The following PWWP3A variants were observed in gnomAD, a reference collection of about 807,000 sequenced individuals.
The protein encoded by PWWP3A is PWWP domain-containing DNA repair factor 3A.
A neutral mutation model predicts 79.0 loss-of-function variants in PWWP3A; 53 were observed. That is an observed-to-expected ratio of 0.67 (90% CI 0.54 to 0.84). The LOEUF (loss-of-function observed/expected upper bound fraction) is 0.84, where lower values mean the gene tolerates loss of function less well. Ranked by LOEUF, PWWP3A falls within the 40% of genes least tolerant of loss-of-function variation. The pLI, the probability that PWWP3A is intolerant of heterozygous loss-of-function variation, is 0.00. For synonymous variants in PWWP3A, 443 were observed against 394.4 expected, an observed-to-expected ratio of 1.12 and a Z score of -1.46; for missense variants, 973 against 948.0, an observed-to-expected ratio of 1.03 and a Z score of -0.35.
chr19:1,378,300 A>G lies in PWWP3A; in HGVS notation c.*1724A>G, dbSNP rs1403444649. On this transcript the variant is annotated 3_prime_UTR_variant, in exon 14 of 14. Coordinates refer to ENST00000591337, the MANE Select transcript of PWWP3A (RefSeq NM_001369789.1). ...TTGTGGGTTCCTGAGAGTAGGACAC[A>G]TTGCCATGGTTTTGTGGGAATCACG... 2.0e-5 allele frequency: 3 copies of G among 152,282 alleles called. No homozygotes were observed. The highest frequency in any genetic ancestry group is 1.5e-5 in the Non-Finnish European group (1 of 68,086). The allele number at this position is 152,282 out of a possible 1,614,324, so 9.4% of individuals were successfully genotyped here.
chr19:1,365,295 G>A (rs749761086), intron 7 of PWWP3A, among the ~76,000 whole-genome samples: 2 of 152,244 alleles, frequency 1.3e-5, no homozygotes, highest in Non-Finnish European at 2.9e-5. Flanking sequence ...TCAAGCCGGG[G>A]CAGATTCTCT....
rs2144704637 is a variant in PWWP3A at position 1,360,194 on chromosome 19, T to G, written c.273T>G (p.Leu91=). 1 of 1,606,772 alleles carries G rather than the reference T, an allele frequency of 6.2e-7. No homozygotes were observed. The highest frequency in any genetic ancestry group is 8.5e-7 in the Non-Finnish European group (1 of 1,176,872). Residue 91 remains leucine (L), a synonymous_variant, in exon 5 of 14, where the codon CTT becomes CTG. Coordinates refer to ENST00000591337, the MANE Select transcript of PWWP3A (RefSeq NM_001369789.1). This position sits in a 1 kb window ranked among gnomAD's most constrained non-coding sequence, Gnocchi z 4.4. ...AAGAACTGGCCTACAGACGGTCGCT[T>G]CGCGTGGCTCTGGACGTTCTGAGCG... ...PLEELAYRRS[L]RVALDVLSEG... is the part of the protein sequence containing the mutation.
intron 4 of PWWP3A, chr19:1,359,398 C>G (rs952531455): frequency 1.3e-5 from 2 of 150,192 alleles, no homozygotes; most frequent in Non-Finnish European, 3.0e-5. Flanking sequence ...TGGCGTCGTC[C>G]TTGTTGGCGC....
rs1016745101 is a variant in PWWP3A at position 1,369,464 on chromosome 19, C to G, written c.1498+124C>G. 6 of 1,483,268 alleles carry G rather than the reference C, an allele frequency of 4.0e-6. No homozygotes were observed. In the African/African-American group the frequency reaches 6.9e-5, roughly 17 times the overall value. 91.9% of individuals were successfully genotyped at this position (1,483,268 alleles called of 1,614,324 possible). On this transcript the variant is annotated intron_variant, in intron 10 of 13. Transcript: ENST00000591337. The surrounding 1 kb of genome is among the most constrained non-coding windows in gnomAD (Gnocchi z 4.0). Reference sequence around the variant, plus strand: ...ATATTTCCGTGGGCCTGGGGCATTCCCTGTGGGTGGGCTGGGGTTCTGGCC... The same window carrying G: ...ATATTTCCGTGGGCCTGGGGCATTCGCTGTGGGTGGGCTGGGGTTCTGGCC...
chr19:1,370,054 A>AC (rs1268222843), intron 11 of PWWP3A, among the ~76,000 whole-genome samples: 5 of 152,144 alleles, frequency 3.3e-5, no homozygotes, highest in African/African-American at 1.2e-4. Flanking sequence ...ACAGAGCAAG[A>AC]CCCCATCTCT....
Position 1,369,636 on chromosome 19 carries a change from G to T in PWWP3A, c.1539G>T (p.Ala513=). The change falls in exon 11 of 14, where the codon GCG becomes GCT. Residue 513 remains alanine (A), a synonymous_variant. Coordinates refer to ENST00000591337, the MANE Select transcript of PWWP3A (RefSeq NM_001369789.1). The surrounding 1 kb of genome is among the most constrained non-coding windows in gnomAD (Gnocchi z 4.0). ...SFAGSFLEYY[A]ADISYPVRKS... is the part of the protein sequence containing the mutation. ...CTGGCTCTTTCCTGGAATATTACGC[G>T]GCTGATATAAGTAAGTCTACAGGCA... The T allele has an allele frequency of 6.2e-7, 1 of 1,614,166 alleles. No homozygotes were observed. The highest frequency in any genetic ancestry group is 8.5e-7 in the Non-Finnish European group (1 of 1,180,026).
chr19:1,367,049 G>A, intron 8 of PWWP3A, 111 bp from the exon 9 acceptor site: 1 of 767,006 alleles, frequency 1.3e-6, no homozygotes, highest in South Asian at 1.8e-5. Context: ...ATAAGCTGGG[G>A]CTGGTGGGGC....
At chr19:1,365,555 T>G (rs1429929967) in intron 7 of PWWP3A, among the ~76,000 whole-genome samples, 3 of 152,268 alleles carry the variant, frequency 2.0e-5, no homozygotes, top group Admixed American at 2.0e-4. Context: ...CTGTGTGGTG[T>G]TCGCTGGGGA....
intron 12 of PWWP3A, chr19:1,372,208 T>TCA (rs2082277451): frequency 2.0e-5 from 3 of 152,442 alleles, no homozygotes; most frequent in African/African-American, 7.2e-5. Context: ...TCTGTGCTTG[T>TCA]CACAGCTAAG....
At chr19:1,370,563 C>G in intron 11 of PWWP3A, 79 bp from the exon 12 acceptor site, 4 of 1,303,352 alleles carry the variant, frequency 3.1e-6, no homozygotes, top group Admixed American at 3.2e-5. Context: ...CATGTCGCAG[C>G]CTCCCATCGG....
rs556673177 is a variant in PWWP3A at position 1,360,939 on chromosome 19, C to T, written c.1018C>T (p.Arg340Cys). The T allele has an allele frequency of 1.3e-5, 20 of 1,513,646 alleles. No individual in the cohort carries two copies. The East Asian group carries it at 3.2e-4, about 24-fold the overall frequency. The allele number at this position is 1,513,646 out of a possible 1,614,324, so 93.8% of individuals were successfully genotyped here. A position where few individuals can be genotyped will look rare whatever the true frequency, so the allele number is the denominator to read the frequency against. ...GPGPRESVTP[R>C]STARLGPPPS... ...AGGGCCCAGAGAGTCTGTGACCCCGCGCAGCACCGCCAGGCTGGGCCCGCC... is the reference window on the plus strand; with the variant it reads ...AGGGCCCAGAGAGTCTGTGACCCCGTGCAGCACCGCCAGGCTGGGCCCGCC... The change falls in exon 5 of 14, where the codon CGC becomes TGC. Residue 340 changes from arginine to cysteine, a missense_variant. Coordinates refer to ENST00000591337, the MANE Select transcript of PWWP3A (RefSeq NM_001369789.1). This position sits in a 1 kb window ranked among gnomAD's most constrained non-coding sequence, Gnocchi z 4.4.
chr19:1,367,440 T>G (rs958985666), intron 9 of PWWP3A, among the ~76,000 whole-genome samples: 1 of 152,190 alleles, frequency 6.6e-6, no homozygotes, highest in Non-Finnish European at 1.5e-5. Flanking sequence ...GCGGCCCCAT[T>G]TCCCCGCTTT....
chr19:1,375,671 T>A (rs1189751518), intron 13 of PWWP3A, among the ~76,000 whole-genome samples: 2 of 121,058 alleles, frequency 1.7e-5, no homozygotes, highest in Non-Finnish European at 3.4e-5. Flanking sequence ...ATATATAAAA[T>A]GTACAATTTT....
In PWWP3A at chr19:1,357,099, A is replaced by C. The variant is rs912658820; in HGVS notation, c.143+5A>C. 4.4e-6 allele frequency: 7 copies of C among 1,599,454 alleles called. No homozygotes were observed. The highest frequency in any genetic ancestry group is 6.0e-6 in the Non-Finnish European group (7 of 1,170,582). On this transcript the variant is annotated splice_donor_5th_base_variant and intron_variant, in intron 3 of 13. Coordinates refer to ENST00000591337, the MANE Select transcript of PWWP3A (RefSeq NM_001369789.1). ...AATCCTCTCTCTAGAGGAAAAGTTA[A>C]GTGTTGTGTTGTTTTAATACTGTTT...
At chr19:1,362,025 C>T in intron 5 of PWWP3A, 1 of 378,854 alleles carries the variant, frequency 2.6e-6, no homozygotes, top group African/African-American at 2.1e-5. Context: ...CACCGCAGGC[C>T]TCTCTCCCTC....
rs2081977017 is a variant in PWWP3A, at chr19:1,360,141, C to G, written c.220C>G (p.Gln74Glu). 2 of 1,554,804 alleles carry G rather than the reference C, an allele frequency of 1.3e-6. No individual in the cohort carries two copies. The highest frequency in any genetic ancestry group is 4.0e-5 in the Admixed American group (2 of 50,264). ...IEAIASSLAS[Q>E]NEVPAAPLEE... ...TGTATGTTCGGTCCTTGCAGCCTCA[C>G]AGAATGAGGTTCCTGCGGCACCCCT... is the stretch of plus-strand genomic sequence containing the variant. The change falls in exon 5 of 14, where the codon CAG (glutamine) becomes GAG (glutamate). Residue 74 changes from glutamine to glutamate, a missense_variant. Gln to Glu is a conservative substitution (Grantham distance 29). Coordinates refer to ENST00000591337, the MANE Select transcript of PWWP3A (RefSeq NM_001369789.1). The surrounding 1 kb of genome is among the most constrained non-coding windows in gnomAD (Gnocchi z 4.4).
At chr19:1,359,327 C>T (rs1164300710) in intron 4 of PWWP3A, 1 of 152,130 alleles carries the variant, frequency 6.6e-6, no homozygotes, top group African/African-American at 2.4e-5. Flanking sequence ...CGAAAAACAG[C>T]TCTTGTTTAA....
intron 4 of PWWP3A, chr19:1,358,834 C>T: frequency 3.9e-6 from 2 of 509,468 alleles, no homozygotes; most frequent in South Asian, 3.1e-5. Flanking sequence ...GGTACTGTCG[C>T]TGCCTGGCCA....
intron 6 of PWWP3A, among the ~76,000 whole-genome samples, chr19:1,362,800 C>T (rs1034223860): frequency 2.0e-5 from 3 of 152,242 alleles, no homozygotes; most frequent in African/African-American, 7.2e-5. Context: ...TCCCGCGCCC[C>T]TCCTGTAAGT....
Sources: gnomAD v4.1 joint callset for allele counts (sites outside exome capture counted in the v4.1 genomes callset) on GRCh38, gnomAD v4.1.1 for gene constraint, Gnocchi (gnomAD v3.1) non-coding constraint, MANE v1.5 for transcripts, NCBI Gene and HGNC (gene_info 2026-07-23, HGNC 2026-07-21) for gene names.